The following REST variants were observed in gnomAD, a reference collection of about 807,000 sequenced individuals.
REST encodes RE1 silencing transcription factor, also known as RE1-silencing transcription factor.
REST carries 1 observed loss-of-function variant against 30.4 expected under a neutral mutation model. That is an observed-to-expected ratio of 0.03 (90% CI 0.01 to 0.16). The LOEUF is 0.16. Among genes scored for constraint, REST ranks in the 10% least tolerant of loss-of-function variants. The pLI is 1.00. For synonymous variants in REST, 504 were observed against 451.1 expected, an observed-to-expected ratio of 1.12 and a Z score of -1.49; for missense variants, 1,259 against 1,329.5, an observed-to-expected ratio of 0.95 and a Z score of 0.82.
chr4:56,923,247 G>A (rs533553337), intron 3 of REST, among the ~76,000 whole-genome samples: 1 of 152,278 alleles, frequency 6.6e-6, no homozygotes, highest in South Asian at 2.1e-4. Context: ...CATATTATAG[G>A]ATACAAGCTC....
intron 3 of REST, among the ~76,000 whole-genome samples, chr4:56,925,346 G>A (rs965811392): frequency 2.0e-5 from 3 of 151,174 alleles, no homozygotes; most frequent in Non-Finnish European, 4.4e-5. Context: ...TGGAGTAGGT[G>A]GCACTGTAGG....
At chr4:56,919,141 G>A (rs930322498) in intron 2 of REST, among the ~76,000 whole-genome samples, 4 of 151,848 alleles carry the variant, frequency 2.6e-5, no homozygotes, top group South Asian at 2.1e-4. Flanking sequence ...TCCTTACCTC[G>A]TGATCTACCA....
At chr4:56,916,994 A>G (rs1720229322) in intron 2 of REST, among the ~76,000 whole-genome samples, 1 of 151,838 alleles carries the variant, frequency 6.6e-6, no homozygotes, top group Admixed American at 6.6e-5. Flanking sequence ...GAGGGTTCCA[A>G]TTTCAGCACA....
chr4:56,926,959 A>G (rs534794384), intron 3 of REST, among the ~76,000 whole-genome samples: 1 of 152,038 alleles, frequency 6.6e-6, no homozygotes, highest in South Asian at 2.1e-4. Flanking sequence ...AGCCAGGCTT[A>G]GTGGCACATG....
chr4:56,923,799 G>A (rs1025942923), intron 3 of REST, among the ~76,000 whole-genome samples: 1 of 151,638 alleles, frequency 6.6e-6, no homozygotes, highest in Non-Finnish European at 1.5e-5. Flanking sequence ...TCGGCTCACT[G>A]CAACCTCCAC....
At chr4:56,921,413 A>T (rs1270149576) in intron 3 of REST, among the ~76,000 whole-genome samples, 7 of 151,446 alleles carry the variant, frequency 4.6e-5, no homozygotes, top group South Asian at 2.1e-4. Flanking sequence ...TTTTATTATT[A>T]TTTTTTTTCT....
intron 1 of REST, among the ~76,000 whole-genome samples, chr4:56,908,742 AC>A (rs1300879503): frequency 2.0e-5 from 3 of 151,722 alleles, no homozygotes; most frequent in Non-Finnish European, 4.4e-5. Context: ...GCGGGGCTGG[AC>A]AGCGATTTCT....
Position 56,930,590 on chromosome 4 carries a change from A to C in REST, c.1732A>C (p.Ser578Arg), listed in dbSNP as rs1179161363. 4 of 1,612,288 alleles carry C rather than the reference A, an allele frequency of 2.5e-6. No individual in the cohort carries two copies. In the Admixed American group the frequency reaches 6.7e-5, roughly 27 times the overall value. The change falls in exon 4 of 4, where the codon AGT becomes CGT. Residue 578 changes from serine (S) to arginine (R), a missense_variant. By Grantham distance (110) the Ser-to-Arg change is moderately radical. Coordinates refer to ENST00000309042, the MANE Select transcript of REST (RefSeq NM_005612.5). ...NKKQNTCMKK[S>R]TKKKTLKNKS... ...AAAGCAAAATACTTGCATGAAAAAA[A>C]GTACAAAGAAGAAAACTCTGAAAAA... is the stretch of plus-strand genomic sequence containing the variant.
In REST at chr4:56,911,249, C is replaced by T. The variant is rs1173681874; in HGVS notation, c.611C>T (p.Ser204Phe). Residue 204 changes from serine to phenylalanine, a missense_variant, in exon 2 of 4, where the codon TCC (serine) becomes TTC (phenylalanine). Ser to Phe is a radical substitution (Grantham distance 155, BLOSUM62 -2). This residue lies in a region of REST where 249 missense variants were observed against 251.5 expected (regional missense o/e 0.99). Transcript: ENST00000309042. ...GCAAAAGCCAGGGAATCTGGCTCTT[C>T]CACTGCAGAAGAGGGAGATTTCTCC... ...KQAKARESGS[S>F]TAEEGDFSKG... 1 of 1,614,052 alleles carries T rather than the reference C, an allele frequency of 6.2e-7. No individual in the cohort carries two copies. Among genetic ancestry groups the T allele is most frequent in the Non-Finnish European group, 8.5e-7 (1 of 1,180,040 alleles).
chr4:56,927,585 GT>G, intron 3 of REST: 2 of 958,056 alleles, frequency 2.1e-6, no homozygotes, highest in Non-Finnish European at 2.6e-6. Context: ...GTCAATTTCC[GT>G]TTTTCTACTA....
At chr4:56,921,317 C>G (rs541195404) in intron 3 of REST, among the ~76,000 whole-genome samples, 3 of 152,186 alleles carry the variant, frequency 2.0e-5, no homozygotes, top group Non-Finnish European at 4.4e-5. Flanking sequence ...TAGCCACTAG[C>G]CACATGTGGC....
chr4:56,924,945 C>T (rs1253165195), intron 3 of REST, among the ~76,000 whole-genome samples: 5 of 151,958 alleles, frequency 3.3e-5, no homozygotes, highest in African/African-American at 1.2e-4. Context: ...GTGAGCGGAT[C>T]ATCGGAGGTC....
In REST at chr4:56,916,473, T is replaced by C. The variant is rs550583695; in HGVS notation, c.899-3314T>C. Among the ~76,000 whole-genome samples, 5 of 152,138 alleles carry C rather than the reference T, an allele frequency of 3.3e-5. No homozygotes were observed. In the East Asian group the frequency reaches 9.7e-4, roughly 30 times the overall value. On this transcript the variant is annotated intron_variant, in intron 2 of 3. Transcript: ENST00000309042. ...GAGTTTGAGACCAGCCTGGTCAGCA[T>C]GGTGAAACCCTGTCTCTACTAAAAA...
At chr4:56,918,320 G>A (rs1198490188) in intron 2 of REST, among the ~76,000 whole-genome samples, 1 of 146,016 alleles carries the variant, frequency 6.8e-6, no homozygotes, top group African/African-American at 2.6e-5. Flanking sequence ...GGCAAAACCT[G>A]GTCTCTACCC....
At position 56,930,536 on chromosome 4, in the gene REST, A is replaced by G. The variant is rs749464692; in HGVS notation, c.1678A>G (p.Lys560Glu). 18 of 1,611,642 alleles carry G rather than the reference A, an allele frequency of 1.1e-5. No individual in the cohort carries two copies. The change falls in exon 4 of 4, where the codon AAG becomes GAG. Residue 560 changes from lysine (K) to glutamate (E), a missense_variant. Lys to Glu is a moderately conservative substitution (Grantham distance 56). This residue lies in a region of REST where 856 missense variants were observed against 772.8 expected (regional missense o/e 1.11). Coordinates refer to ENST00000309042, the MANE Select transcript of REST (RefSeq NM_005612.5). ...CAAAAATAATAGTCAGGAAGTGCCA[A>G]AGGGTGACAGCAAAGTGGAGGAGAA... The part of the protein sequence containing the change: ...KSKNNSQEVP[K>E]GDSKVEENKK...
chr4:56,930,439 C>T lies in REST; in HGVS notation c.1581C>T (p.Ser527=), dbSNP rs769974147. 3.1e-6 allele frequency: 5 copies of T among 1,613,686 alleles called. No individual in the cohort carries two copies. The highest frequency in any genetic ancestry group is 1.3e-5 in the African/African-American group (1 of 74,852). The stretch of plus-strand genomic sequence containing the variant: ...GCAAAAGGAAGCTGGAAGTTGACAG[C>T]CATTCTTTACATGGTCCTGTGAATG... ...KKSKRKLEVD[S]HSLHGPVNDE... The change falls in exon 4 of 4, where the codon AGC becomes AGT. Residue 527 remains serine (S), a synonymous_variant. Coordinates refer to ENST00000309042, the MANE Select transcript of REST (RefSeq NM_005612.5).
intron 2 of REST, among the ~76,000 whole-genome samples, chr4:56,911,864 T>C (rs1473623099): frequency 3.9e-5 from 6 of 152,232 alleles, no homozygotes; most frequent in African/African-American, 1.4e-4. Flanking sequence ...GGCTCACGCC[T>C]GTAATCCCAG....
rs1719878076 is a variant in REST, at chr4:56,911,016, G to A, written c.378G>A (p.Glu126=). The A allele has an allele frequency of 6.2e-7, 1 of 1,614,044 alleles. No homozygotes were observed. Among genetic ancestry groups the A allele is most frequent in the Non-Finnish European group, 8.5e-7 (1 of 1,180,042 alleles). ...TCGTAGAACCTCAGCCTGTATTTGAGGCATCAGGTGCTCCAGATATTTACA... is the reference window on the plus strand; with the variant it reads ...TCGTAGAACCTCAGCCTGTATTTGAAGCATCAGGTGCTCCAGATATTTACA... ...LSVVEPQPVF[E]ASGAPDIYSS... The change falls in exon 2 of 4, where the codon GAG becomes GAA. Residue 126 remains glutamate (E), a synonymous_variant. Transcript: ENST00000309042.
chr4:56,918,479 C>T (rs145562353), intron 2 of REST, among the ~76,000 whole-genome samples: 169 of 152,214 alleles, frequency 1.1e-3, no homozygotes, highest in Non-Finnish European at 2.0e-3. Flanking sequence ...GGCAACAGAG[C>T]GAGACCCTGT....
Sources: allele counts gnomAD v4.1 joint callset (sites outside exome capture counted in the v4.1 genomes callset), GRCh38; gene constraint gnomAD v4.1.1; regional missense constraint gnomAD v4.1.1; transcripts MANE v1.5; gene names NCBI Gene and HGNC (gene_info 2026-07-23, HGNC 2026-07-21).